The following WWC2 variants were observed in gnomAD, a reference collection of about 807,000 sequenced individuals.
The protein encoded by WWC2 is WW and C2 domain containing 2.
Under a neutral mutation model 138.5 loss-of-function variants are expected in WWC2, and 101 were observed. The observed-to-expected ratio is 0.73, with a 90% CI of 0.62 to 0.86. The LOEUF (loss-of-function observed/expected upper bound fraction) is 0.86. Among genes scored for constraint, WWC2 ranks in the 40% least tolerant of loss-of-function variants. The probability of loss-of-function intolerance (pLI) is 0.00; values close to 1 mark genes in which losing one functional copy is unlikely to be tolerated. For synonymous variants in WWC2, 558 were observed against 538.4 expected (o/e 1.04, Z -0.50); for missense variants, 1,420 against 1,419.4 (o/e 1.00, Z -0.01).
rs187337027 is a variant in WWC2 at position 183,179,846 on chromosome 4, G to A, written c.132-13753G>A. Among the ~76,000 whole-genome samples, 13 of 152,232 alleles carry A rather than the reference G, an allele frequency of 8.5e-5. No individual in the cohort carries two copies. The East Asian group carries it at 2.5e-3, about 29-fold the overall frequency. On this transcript the variant is annotated intron_variant, in intron 1 of 22. Coordinates refer to ENST00000403733, the MANE Select transcript of WWC2 (RefSeq NM_024949.6). The stretch of plus-strand genomic sequence containing the variant: ...CTCACTGTTTTCTCTAACAAACATT[G>A]AGCACTGTGTACCATGTATGTGTTT...
chr4:183,099,391 G>T lies in WWC2; in HGVS notation c.-101G>T. On this transcript the variant is annotated 5_prime_UTR_variant, in exon 1 of 23. Transcript: ENST00000403733. ...CTGCGCCCCTCAGCCCCTCGCCGGC[G>T]CCCGCGTCGCGGGTTGGCAGCCTAG... The T allele has an allele frequency of 8.8e-7, 1 of 1,140,042 alleles. No individual in the cohort carries two copies. The highest frequency in any genetic ancestry group is 1.1e-6 in the Non-Finnish European group (1 of 922,732). The allele number at this position is 1,140,042 out of a possible 1,614,324, so 70.6% of individuals were successfully genotyped here. A position where few individuals can be genotyped will look rare whatever the true frequency, so the allele number is the denominator to read the frequency against.
At chr4:183,278,542 G>A (rs1326385426) in intron 16 of WWC2, among the ~76,000 whole-genome samples, 2 of 151,982 alleles carry the variant, frequency 1.3e-5, no homozygotes, top group Non-Finnish European at 2.9e-5. Context: ...GATGGGGATG[G>A]CATTGAATCT....
chr4:183,181,674 C>T (rs912322045), intron 1 of WWC2, among the ~76,000 whole-genome samples: 5 of 152,018 alleles, frequency 3.3e-5, no homozygotes, highest in Non-Finnish European at 5.9e-5. Context: ...GTGAGGCTTC[C>T]GGTCAACAGT....
At chr4:183,212,362 A>C (rs1008931732) in intron 4 of WWC2, among the ~76,000 whole-genome samples, 3 of 152,170 alleles carry the variant, frequency 2.0e-5, no homozygotes, top group Admixed American at 2.0e-4. Flanking sequence ...TTACTTTGTC[A>C]GTCCATCCAT....
intron 5 of WWC2, among the ~76,000 whole-genome samples, chr4:183,240,923 C>T (rs558625728): frequency 1.7e-4 from 26 of 152,294 alleles, no homozygotes; most frequent in East Asian, 3.9e-4. Context: ...ATATCCCTTC[C>T]GCATTCCCGG....
In WWC2 at chr4:183,261,491, T is replaced by G; in HGVS notation, c.1868T>G (p.Leu623Arg). 6.2e-7 allele frequency: 1 copy of G among 1,612,888 alleles called. No homozygotes were observed. The highest frequency in any genetic ancestry group is 8.5e-7 in the Non-Finnish European group (1 of 1,179,474). Residue 623 changes from leucine to arginine, a missense_variant, in exon 11 of 23, where the codon CTT becomes CGT. Coordinates refer to ENST00000403733, the MANE Select transcript of WWC2 (RefSeq NM_024949.6). ...ASQSLSEDKDLNECAREPLYE... is the reference protein window; with the variant it reads ...ASQSLSEDKDRNECAREPLYE... ...CAGTCTCTTTCAGAGGATAAAGACC[T>G]TAATGAATGTGCTAGGGAGCCATTA...
intron 1 of WWC2, among the ~76,000 whole-genome samples, chr4:183,146,969 AGAAACACTTG>A (rs1238729761): frequency 7.9e-5 from 12 of 152,198 alleles, no homozygotes; most frequent in African/African-American, 2.7e-4. Context: ...AATGTTCTCG[AGAAACACTTG>A]GAAACACTTG....
At chr4:183,172,142 G>C (rs1173163076) in intron 1 of WWC2, among the ~76,000 whole-genome samples, 1 of 152,116 alleles carries the variant, frequency 6.6e-6, no homozygotes, top group Admixed American at 6.5e-5. Context: ...CCAACACACT[G>C]TGTATTCTGT....
chr4:183,204,871 TC>T (rs1340901002), intron 2 of WWC2, among the ~76,000 whole-genome samples: 1 of 152,202 alleles, frequency 6.6e-6, no homozygotes, highest in Non-Finnish European at 1.5e-5. Flanking sequence ...CAGCATGTGG[TC>T]TTTTGTGTCT....
chr4:183,185,904 T>A (rs571658353), intron 1 of WWC2, among the ~76,000 whole-genome samples: 2 of 152,202 alleles, frequency 1.3e-5, no homozygotes, highest in African/African-American at 4.8e-5. Context: ...TTTTATATTA[T>A]TAATATAATT....
intron 2 of WWC2, among the ~76,000 whole-genome samples, chr4:183,200,651 C>T (rs1027011726): frequency 7.9e-5 from 12 of 152,090 alleles, no homozygotes; most frequent in South Asian, 6.2e-4. Flanking sequence ...GCCACTCGTA[C>T]GGTTGTTGGC....
chr4:183,111,658 G>C (rs1579947153), intron 1 of WWC2, among the ~76,000 whole-genome samples: 1 of 148,818 alleles, frequency 6.7e-6, no homozygotes, highest in South Asian at 2.1e-4. Flanking sequence ...GCTTATCAGT[G>C]TTTGAGTTTG....
At chr4:183,207,555 A>G (rs1211288946) in intron 2 of WWC2, among the ~76,000 whole-genome samples, 1 of 152,156 alleles carries the variant, frequency 6.6e-6, no homozygotes, top group South Asian at 2.1e-4. Flanking sequence ...ACCAACTTTG[A>G]TTAGTGCTGA....
Position 183,268,997 on chromosome 4 carries a change from C to T in WWC2, c.2234C>T (p.Ser745Phe). 6.2e-7 allele frequency: 1 copy of T among 1,613,294 alleles called. No homozygotes were observed. The change falls in exon 15 of 23, where the codon TCC becomes TTC. Residue 745 changes from serine to phenylalanine, a missense_variant. Coordinates refer to ENST00000403733, the MANE Select transcript of WWC2 (RefSeq NM_024949.6). Reference protein sequence around the residue: ...KVYFRVAVLPSSTDVSCLFRT... With the variant: ...KVYFRVAVLPFSTDVSCLFRT... ...TATTTTAGGGTTGCCGTTCTTCCTT[C>T]CTCAACTGATGTCAGCTGTCTGTTT...
intron 4 of WWC2, among the ~76,000 whole-genome samples, chr4:183,230,697 A>G (rs1297258352): frequency 6.6e-6 from 1 of 152,200 alleles, no homozygotes; most frequent in Non-Finnish European, 1.5e-5. Flanking sequence ...AAAAAGTAAT[A>G]GAAAACATGG....
chr4:183,121,900 C>A (rs1283545357), intron 1 of WWC2, among the ~76,000 whole-genome samples: 1 of 151,856 alleles, frequency 6.6e-6, no homozygotes, highest in Non-Finnish European at 1.5e-5. Flanking sequence ...ATTCTCCTGC[C>A]TCAGCTTCCC....
intron 21 of WWC2, among the ~76,000 whole-genome samples, chr4:183,309,548 C>T (rs746871523): frequency 3.4e-4 from 52 of 152,202 alleles, no homozygotes; most frequent in Admixed American, 5.2e-4. Flanking sequence ...CCTGTTAGAG[C>T]GGCCAAGATG....
intron 21 of WWC2, among the ~76,000 whole-genome samples, chr4:183,291,152 G>A (rs957929202): frequency 6.6e-6 from 1 of 152,200 alleles, no homozygotes; most frequent in Admixed American, 6.5e-5. Context: ...TAAAGGAGAT[G>A]AGCCAGACAC....
chr4:183,205,907 G>A lies in WWC2; in HGVS notation c.242-2046G>A, dbSNP rs144858591. 1.5e-3 allele frequency among the ~76,000 whole-genome samples: 229 copies of A among 152,154 alleles called. 2 individuals are homozygous for A. Among genetic ancestry groups the A allele is most frequent in the African/African-American group, 5.2e-3 (215 of 41,506 alleles). ...CTTTGCCTGGCCTTGTGCATTTCCCGTTGTCATCTCAGCATTCACTCACAG... is the reference window on the plus strand; with the variant it reads ...CTTTGCCTGGCCTTGTGCATTTCCCATTGTCATCTCAGCATTCACTCACAG... On this transcript the variant is annotated intron_variant, in intron 2 of 22. Transcript: ENST00000403733.
Sources: allele counts gnomAD v4.1 joint callset (sites outside exome capture counted in the v4.1 genomes callset), GRCh38; gene constraint gnomAD v4.1.1; transcripts MANE v1.5; gene names NCBI Gene and HGNC (gene_info 2026-07-23, HGNC 2026-07-21).